The following GPR158 variants were observed in gnomAD, a reference collection of about 807,000 sequenced individuals.
GPR158 encodes the protein metabotropic glycine receptor.
Under a neutral mutation model 78.2 loss-of-function variants are expected in GPR158, and 30 were observed. That is an observed-to-expected ratio of 0.38 (90% CI 0.29 to 0.52). GPR158 has a LOEUF of 0.52. Among genes scored for constraint, GPR158 ranks in the 20% least tolerant of loss-of-function variants. The pLI is 0.83. For synonymous variants in GPR158, 581 were observed against 591.1 expected, an observed-to-expected ratio of 0.98 and a Z score of 0.25; for missense variants, 1,463 against 1,523.5, an observed-to-expected ratio of 0.96 and a Z score of 0.66.
intron 5 of GPR158, among the ~76,000 whole-genome samples, chr10:25,538,214 CGTT>C (rs34703501): frequency 9.5e-4 from 144 of 151,344 alleles, no homozygotes; most frequent in African/African-American, 3.3e-3. Flanking sequence ...TCAGATTTGC[CGTT>C]GTTGTTGTTG....
intron 4 of GPR158, among the ~76,000 whole-genome samples, chr10:25,443,003 T>G (rs548304106): frequency 6.6e-6 from 1 of 152,280 alleles, no homozygotes. Flanking sequence ...ACCAAAATCC[T>G]AAACCACACT....
chr10:25,350,932 G>C (rs1294088650), intron 2 of GPR158, among the ~76,000 whole-genome samples: 1 of 151,964 alleles, frequency 6.6e-6, no homozygotes, highest in Non-Finnish European at 1.5e-5. Flanking sequence ...TTGGTTACCA[G>C]TTATTCCCAG....
intron 2 of GPR158, among the ~76,000 whole-genome samples, chr10:25,354,839 G>T (rs781037113): frequency 6.6e-6 from 1 of 152,020 alleles, no homozygotes; most frequent in Non-Finnish European, 1.5e-5. Flanking sequence ...CAGTATTCTT[G>T]GATGGCAGTT....
intron 5 of GPR158, among the ~76,000 whole-genome samples, chr10:25,516,337 G>A (rs2130675886): frequency 1.3e-5 from 2 of 150,444 alleles, no homozygotes; most frequent in East Asian, 3.9e-4. Flanking sequence ...TCACTCTGAT[G>A]GTAGTTTCTT....
At chr10:25,255,598 TTGTC>T (rs779438649) in intron 2 of GPR158, among the ~76,000 whole-genome samples, 4 of 152,190 alleles carry the variant, frequency 2.6e-5, no homozygotes, top group Admixed American at 2.6e-4. Flanking sequence ...TTTTATTTGT[TTGTC>T]TGTTTGTTTT....
intron 2 of GPR158, chr10:25,244,751 G>T (rs1276776775): frequency 6.6e-6 from 1 of 152,050 alleles, no homozygotes; most frequent in Non-Finnish European, 1.5e-5. Flanking sequence ...ATATTGGAGG[G>T]TTATGACAAC....
intron 5 of GPR158, among the ~76,000 whole-genome samples, chr10:25,514,286 T>A (rs1022112317): frequency 4.6e-5 from 7 of 152,182 alleles, no homozygotes; most frequent in African/African-American, 1.4e-4. Context: ...ACTGCTGTTG[T>A]TTTAAAGTTT....
intron 5 of GPR158, among the ~76,000 whole-genome samples, chr10:25,514,408 G>A (rs1467302952): frequency 6.6e-6 from 1 of 152,016 alleles, no homozygotes; most frequent in Non-Finnish European, 1.5e-5. Context: ...TTATATGTTA[G>A]GTGAGTCTCG....
chr10:25,364,093 A>T (rs562450039), intron 2 of GPR158, among the ~76,000 whole-genome samples: 2 of 152,102 alleles, frequency 1.3e-5, no homozygotes, highest in East Asian at 3.9e-4. Context: ...GTTCTATGGA[A>T]TAAGAAGTAT....
chr10:25,237,162 C>T (rs1853537008), intron 2 of GPR158, among the ~76,000 whole-genome samples: 1 of 152,126 alleles, frequency 6.6e-6, no homozygotes, highest in African/African-American at 2.4e-5. Context: ...CTAGTTTCAT[C>T]ACTAATTTAT....
At chr10:25,379,792 G>A (rs1218559248) in intron 2 of GPR158, among the ~76,000 whole-genome samples, 1 of 151,130 alleles carries the variant, frequency 6.6e-6, no homozygotes, top group Non-Finnish European at 1.5e-5. Context: ...CTTCTTATCA[G>A]CTTACATCTG....
At chr10:25,299,831 T>C (rs72792100) in intron 2 of GPR158, among the ~76,000 whole-genome samples, 6,484 of 152,282 alleles carry the variant, frequency 0.043, 149 homozygotes, top group African/African-American at 0.052. Flanking sequence ...TTCCTTTTTA[T>C]TTTTATTTTT....
intron 1 of GPR158, among the ~76,000 whole-genome samples, chr10:25,189,595 T>G (rs2130640111): frequency 6.6e-6 from 1 of 151,632 alleles, no homozygotes; most frequent in South Asian, 2.1e-4. Context: ...ATGAGAACAC[T>G]TGGACACAGG....
chr10:25,408,966 G>A (rs369386985), intron 3 of GPR158, among the ~76,000 whole-genome samples: 8 of 152,130 alleles, frequency 5.3e-5, no homozygotes, highest in East Asian at 1.9e-4. Flanking sequence ...ACGTGGAGGC[G>A]GTTGATGATT....
intron 2 of GPR158, among the ~76,000 whole-genome samples, chr10:25,228,572 A>G (rs1853404512): frequency 6.6e-6 from 1 of 152,182 alleles, no homozygotes; most frequent in Non-Finnish European, 1.5e-5. Flanking sequence ...AGGATTAGTA[A>G]GCACTTGGGG....
intron 2 of GPR158, among the ~76,000 whole-genome samples, chr10:25,355,790 G>A (rs1855542534): frequency 6.6e-6 from 1 of 152,012 alleles, no homozygotes; most frequent in Non-Finnish European, 1.5e-5. Context: ...AATGGGGTGG[G>A]TTTCAAAGGT....
chr10:25,395,994 A>G lies in GPR158; in HGVS notation c.1092A>G (p.Leu364=), dbSNP rs777160161. 2.5e-6 allele frequency: 4 copies of G among 1,585,976 alleles called. No individual in the cohort carries two copies. The highest frequency in any genetic ancestry group is 2.2e-5 in the South Asian group (2 of 90,510). ...CAGGATTCTATCATCCTGGAGTCTTACCAGTGAACAACTTTCGGAGTAAGT... is the reference window on the plus strand; with the variant it reads ...CAGGATTCTATCATCCTGGAGTCTTGCCAGTGAACAACTTTCGGAGTAAGT... ...CKAGFYHPGV[L]PVNNFRRRGP... The change falls in exon 3 of 11, where the codon TTA becomes TTG. Residue 364 remains leucine, a synonymous_variant. Transcript: ENST00000376351.
Position 25,598,602 on chromosome 10 carries a change from A to C in GPR158, c.2976A>C (p.Pro992=). Reference sequence around the variant, plus strand: ...CCACTGCCAATTCTGACCTGAACCCAGGCACCACCCAGATGAAGGACAACT... The same window carrying C: ...CCACTGCCAATTCTGACCTGAACCCCGGCACCACCCAGATGAAGGACAACT... ...NPTTANSDLN[P]GTTQMKDNFD... Residue 992 remains proline (P), a synonymous_variant, in exon 11 of 11, where the codon CCA becomes CCC. Coordinates refer to ENST00000376351, the MANE Select transcript of GPR158 (RefSeq NM_020752.3). 5 of 1,614,070 alleles carry C rather than the reference A, an allele frequency of 3.1e-6. No individual in the cohort carries two copies. Among genetic ancestry groups the C allele is most frequent in the Non-Finnish European group, 4.2e-6 (5 of 1,180,014 alleles).
chr10:25,583,525 T>C (rs1470131595), intron 7 of GPR158, among the ~76,000 whole-genome samples: 1 of 152,194 alleles, frequency 6.6e-6, no homozygotes, highest in Non-Finnish European at 1.5e-5. Flanking sequence ...AGCTGAAGCC[T>C]AGAATCCTGG....
Sources: allele counts gnomAD v4.1 joint callset (sites outside exome capture counted in the v4.1 genomes callset), GRCh38; gene constraint gnomAD v4.1.1; transcripts MANE v1.5; gene names NCBI Gene and HGNC (gene_info 2026-07-23, HGNC 2026-07-21).